Variants in COX11 observed in about 807,000 individuals in gnomAD.
COX11 encodes cytochrome c oxidase assembly protein COX11, mitochondrial.
In COX11, 18 loss-of-function variants were observed where a neutral mutation model predicts 29.4. That is an observed-to-expected ratio of 0.61 (90% CI 0.42 to 0.91). The LOEUF is 0.91. Among genes scored for constraint, COX11 ranks in the 40% least tolerant of loss-of-function variants. The pLI is 0.00. For synonymous variants in COX11, 131 were observed against 124.0 expected (o/e 1.06, Z -0.38); for missense variants, 312 against 346.0 (o/e 0.90, Z 0.78).
chr17:54,967,905 G>A (rs73321565), intron 1 of COX11, among the ~76,000 whole-genome samples: 7,437 of 151,732 alleles, frequency 0.049, 652 homozygotes, highest in African/African-American at 0.17. Context: ...CATGTGGTTT[G>A]CAGAGTGAAT....
exon 1 of COX11, chr17:54,953,558 G>C (rs150886669): frequency 6.6e-6 from 1 of 152,406 alleles, no homozygotes; most frequent in African/African-American, 2.4e-5. Context: ...GGATGATTTG[G>C]ACATTCCCTT....
At chr17:54,967,491 A>T (rs571415852) in intron 1 of COX11, among the ~76,000 whole-genome samples, 1 of 152,294 alleles carries the variant, frequency 6.6e-6, no homozygotes, top group African/African-American at 2.4e-5. Flanking sequence ...AAAATACGTG[A>T]AACTTGTCTT....
Position 54,964,777 on chromosome 17 carries a change from G to A in COX11, c.442C>T (p.Arg148Ter), listed in dbSNP as rs1015164309. 6.2e-6 allele frequency: 10 copies of A among 1,613,634 alleles called. No homozygotes were observed. The highest frequency in any genetic ancestry group is 8.5e-6 in the Non-Finnish European group (10 of 1,179,846). ...GCATTAAAGCTAATTTTAATGATTC[G>A]ATCTTTAACAGGCACCATGTTTTCA... ...KIENMVPVKDRIIKISFNADV... is the reference protein window; with the variant it reads ...KIENMVPVKD Residue 148 changes from arginine (R) to a stop codon, truncating the protein, a stop_gained, in exon 2 of 4, where the codon CGA (arginine) becomes TGA (stop). Coordinates refer to ENST00000299335, the MANE Select transcript of COX11 (RefSeq NM_004375.5). LOFTEE classifies it high-confidence loss of function.
upstream of COX11, among the ~76,000 whole-genome samples, chr17:54,955,416 C>T (rs1180763871): frequency 6.6e-6 from 1 of 152,172 alleles, no homozygotes; most frequent in Non-Finnish European, 1.5e-5. Context: ...TTCCAGGGAT[C>T]ATGATCCCAC....
At position 54,962,485 on chromosome 17, in the gene COX11, T is replaced by C; in HGVS notation, c.*248A>G. The C allele has an allele frequency of 9.0e-7, 1 of 1,108,214 alleles. No homozygotes were observed. Among genetic ancestry groups the C allele is most frequent in the East Asian group, 5.7e-5 (1 of 17,580 alleles). The allele number at this position is 1,108,214 out of a possible 1,614,324, so 68.6% of individuals were successfully genotyped here. A position where few individuals can be genotyped will look rare whatever the true frequency, so the allele number is the denominator to read the frequency against. On this transcript the variant is annotated 3_prime_UTR_variant, in exon 4 of 4. Coordinates refer to ENST00000299335, the MANE Select transcript of COX11 (RefSeq NM_004375.5). Reference sequence around the variant, plus strand: ...CATATTTAAAAAACAAAGCGGCTTATTTTAATAGTATCAAACTCTTCAGTA... The same window carrying C: ...CATATTTAAAAAACAAAGCGGCTTACTTTAATAGTATCAAACTCTTCAGTA...
chr17:54,961,019 C>G lies in COX11; in HGVS notation c.*1714G>C. ...GTCTGAATTTTTCCTATTTTCAGCA[C>G]TACTAATCCCATGTATTTACTATTT... On this transcript the variant is annotated 3_prime_UTR_variant, in exon 4 of 4. Coordinates refer to ENST00000299335, the MANE Select transcript of COX11 (RefSeq NM_004375.5). The G allele has an allele frequency of 1.7e-6, 1 of 578,980 alleles. No individual in the cohort carries two copies. The highest frequency in any genetic ancestry group is 2.9e-5 in the East Asian group (1 of 34,380). The allele number at this position is 578,980 out of a possible 1,614,324, so 35.9% of individuals were successfully genotyped here.
chr17:54,963,557 A>G (rs1009916790), intron 2 of COX11, 126 bp from the exon 3 acceptor site: 6 of 906,052 alleles, frequency 6.6e-6, no homozygotes, highest in Non-Finnish European at 4.9e-6. Context: ...TGTAGGGTTC[A>G]GCAAAATAAA....
chr17:54,958,747 A>G (rs117454107), downstream of COX11, among the ~76,000 whole-genome samples: 3 of 114,962 alleles, frequency 2.6e-5, no homozygotes, highest in Admixed American at 8.7e-5. Context: ...AAAAAAAAAA[A>G]AGGGGTTGTT....
exon 1 of COX11, chr17:54,953,940 A>G (rs2049361610): frequency 6.6e-6 from 1 of 152,130 alleles, no homozygotes; most frequent in Admixed American, 6.6e-5. Context: ...CAATTTAGGA[A>G]TGCTGATGGA....
At chr17:54,968,224 G>A in intron 1 of COX11, 57 bp downstream of exon 1, 1 of 1,575,474 alleles carries the variant, frequency 6.3e-7, no homozygotes, top group Non-Finnish European at 8.6e-7. Context: ...CCCGGGATTT[G>A]TCTTGCACCC....
chr17:54,953,354 G>C (rs1048803615), exon 1 of COX11: 1 of 152,400 alleles, frequency 6.6e-6, no homozygotes, highest in African/African-American at 2.4e-5. Context: ...GGGTAACACA[G>C]ACCCTGTCTC....
At position 54,965,762 on chromosome 17, in the gene COX11, C is replaced by T. The variant is rs564589142; in HGVS notation, c.367-910G>A. Among the ~76,000 whole-genome samples the T allele has an allele frequency of 4.2e-4, 63 of 148,542 alleles. 1 individual carries two copies. The South Asian group carries it at 5.9e-3, about 14-fold the overall frequency. On this transcript the variant is annotated intron_variant, in intron 1 of 3. Coordinates refer to ENST00000299335, the MANE Select transcript of COX11 (RefSeq NM_004375.5). ...AGAAGAATTGCTTGAACCCGGGAGG[C>T]GGAGGTTGCAGTGAGCCGAGATCAC...
chr17:54,962,685 T>C lies in COX11; in HGVS notation c.*48A>G. ...TTCTCCTTTGAGAAGATAGGATATA[T>C]GATTTTCCCAAAAATCACAACTTTG... On this transcript the variant is annotated 3_prime_UTR_variant, in exon 4 of 4. Coordinates refer to ENST00000299335, the MANE Select transcript of COX11 (RefSeq NM_004375.5). 1 of 1,591,770 alleles carries C rather than the reference T, an allele frequency of 6.3e-7. No individual in the cohort carries two copies. The highest frequency in any genetic ancestry group is 2.3e-4 in the Middle Eastern group (1 of 4,390).
At chr17:54,966,831 T>C (rs578206821) in intron 1 of COX11, among the ~76,000 whole-genome samples, 19 of 152,330 alleles carry the variant, frequency 1.2e-4, no homozygotes, top group African/African-American at 4.3e-4. Context: ...TAGGAGACTA[T>C]GCCAGAAAAG....
At chr17:54,967,494 C>T (rs1045239702) in intron 1 of COX11, among the ~76,000 whole-genome samples, 1 of 152,150 alleles carries the variant, frequency 6.6e-6, no homozygotes, top group Non-Finnish European at 1.5e-5. Flanking sequence ...ATACGTGAAA[C>T]TTGTCTTTGC....
chr17:54,960,218 A>G (rs1004361294), downstream of COX11, among the ~76,000 whole-genome samples: 1 of 152,044 alleles, frequency 6.6e-6, no homozygotes, highest in African/African-American at 2.4e-5. Context: ...CAAAAAAATT[A>G]GCTGGGCATG....
Position 54,960,996 on chromosome 17 carries a change from C to A in COX11, c.*1737G>T. 2 of 558,358 alleles carry A rather than the reference C, an allele frequency of 3.6e-6. No individual in the cohort carries two copies. The highest frequency in any genetic ancestry group is 6.3e-6 in the Non-Finnish European group (2 of 316,274). The allele number at this position is 558,358 out of a possible 1,614,324, so 34.6% of individuals were successfully genotyped here. A position where few individuals can be genotyped will look rare whatever the true frequency, so the allele number is the denominator to read the frequency against. On this transcript the variant is annotated 3_prime_UTR_variant, in exon 4 of 4. Transcript: ENST00000299335. ...TTTACCGTTAGTCCTCCAAATAGGT[C>A]TGAATTTTTCCTATTTTCAGCACTA...
downstream of COX11, among the ~76,000 whole-genome samples, chr17:54,960,198 A>G (rs1193510296): frequency 6.6e-6 from 1 of 151,994 alleles, no homozygotes; most frequent in Non-Finnish European, 1.5e-5. Context: ...CCCTGTCTCT[A>G]CTTAAAATAC....
rs764948593 is a variant in COX11, at chr17:54,960,670, A to G, written c.*2063T>C. On this transcript the variant is annotated 3_prime_UTR_variant, in exon 4 of 4. Coordinates refer to ENST00000299335, the MANE Select transcript of COX11 (RefSeq NM_004375.5). ...TACAACTTAATTCCATATTCCATAT[A>G]ATTTCAGTATAATTATCACTTTACA... 2 of 1,408,142 alleles carry G rather than the reference A, an allele frequency of 1.4e-6. No homozygotes were observed. The highest frequency in any genetic ancestry group is 2.0e-6 in the Non-Finnish European group (2 of 994,556). 87.2% of individuals were successfully genotyped at this position (1,408,142 alleles called of 1,614,324 possible). A position where few individuals can be genotyped will look rare whatever the true frequency, so the allele number is the denominator to read the frequency against.
Sources: gnomAD v4.1 joint callset for allele counts (sites outside exome capture counted in the v4.1 genomes callset) on GRCh38, gnomAD v4.1.1 for gene constraint, MANE v1.5 for transcripts, NCBI Gene and HGNC (gene_info 2026-07-23, HGNC 2026-07-21) for gene names.